The following PPP2R2B variants were observed in gnomAD, a reference collection of about 807,000 sequenced individuals.
PPP2R2B encodes serine/threonine-protein phosphatase 2A 55 kDa regulatory subunit B beta isoform.
Under a neutral mutation model 46.0 loss-of-function variants are expected in PPP2R2B, and 5 were observed. That is an observed-to-expected ratio of 0.11 (90% CI 0.06 to 0.23). The LOEUF is 0.23. PPP2R2B is among the 10% of genes least tolerant of loss of function. The pLI, the probability that PPP2R2B is intolerant of heterozygous loss-of-function variation, is 1.00. For missense variants in PPP2R2B, 367 were observed against 575.0 expected (o/e 0.64, Z 3.70); for synonymous variants, 215 against 206.7 (o/e 1.04, Z -0.34).
chr5:146,856,594 C>T (rs780460424), intron 2 of PPP2R2B: 5 of 1,593,170 alleles, frequency 3.1e-6, no homozygotes, highest in Non-Finnish European at 4.3e-6. Flanking sequence ...CTGTGACAAA[C>T]ATGGGGTTCA....
chr5:146,963,989 C>T (rs1752294882), intron 1 of PPP2R2B, among the ~76,000 whole-genome samples: 1 of 152,180 alleles, frequency 6.6e-6, no homozygotes, highest in African/African-American at 2.4e-5. Context: ...CTTCTCAAGG[C>T]TGAATTTCCT....
chr5:146,883,340 C>T (rs990147972), upstream of PPP2R2B, among the ~76,000 whole-genome samples: 4 of 152,152 alleles, frequency 2.6e-5, no homozygotes, highest in Non-Finnish European at 5.9e-5. Flanking sequence ...CTTCCTCCTG[C>T]GGTACTTCAT....
intron 7 of PPP2R2B, among the ~76,000 whole-genome samples, chr5:146,623,342 CTAAATTTCATAT>C (rs1773830524): frequency 6.6e-6 from 1 of 152,210 alleles, no homozygotes; most frequent in Admixed American, 6.5e-5. Context: ...TTATGGGAAT[CTAAATTTCATAT>C]TCAATTGAAA....
intron 2 of PPP2R2B, among the ~76,000 whole-genome samples, chr5:146,783,555 A>G (rs2151285893): frequency 6.6e-6 from 1 of 152,306 alleles, no homozygotes; most frequent in Middle Eastern, 3.4e-3. Flanking sequence ...AACTTTTATA[A>G]TCAGTTAAAC....
intron 1 of PPP2R2B, among the ~76,000 whole-genome samples, chr5:146,903,901 G>A (rs913217238): frequency 6.6e-6 from 1 of 152,082 alleles, no homozygotes; most frequent in African/African-American, 2.4e-5. Context: ...AGCCAGAGTT[G>A]GCACACAGTA....
chr5:146,882,990 C>T (rs922428359), upstream of PPP2R2B, among the ~76,000 whole-genome samples: 1 of 152,200 alleles, frequency 6.6e-6, no homozygotes, highest in Non-Finnish European at 1.5e-5. Flanking sequence ...ACCCACTCTT[C>T]CTTCCTTAGG....
intron 6 of PPP2R2B, among the ~76,000 whole-genome samples, chr5:146,648,326 T>A (rs1221736492): frequency 6.6e-6 from 1 of 152,194 alleles, no homozygotes; most frequent in Non-Finnish European, 1.5e-5. Flanking sequence ...CTGATGGGGA[T>A]CATCAATATT....
At chr5:147,077,848 C>A (rs1215854861) in intron 2 of PPP2R2B, among the ~76,000 whole-genome samples, 3 of 152,302 alleles carry the variant, frequency 2.0e-5, no homozygotes, top group East Asian at 1.9e-4. Context: ...AAGCAGGCTA[C>A]TTTTGTATTA....
At chr5:146,654,797 T>G (rs1486504553) in intron 5 of PPP2R2B, among the ~76,000 whole-genome samples, 1 of 152,202 alleles carries the variant, frequency 6.6e-6, no homozygotes, top group East Asian at 1.9e-4. Flanking sequence ...TTGCACAGCC[T>G]AGGTCTCTGC....
intron 1 of PPP2R2B, among the ~76,000 whole-genome samples, chr5:146,885,181 C>G (rs1236270946): frequency 6.6e-6 from 1 of 152,136 alleles, no homozygotes; most frequent in African/African-American, 2.4e-5. Context: ...TCATTTTATT[C>G]TAACAACAGC....
intron 1 of PPP2R2B, among the ~76,000 whole-genome samples, chr5:146,934,035 T>C (rs1360361738): frequency 6.6e-6 from 1 of 152,170 alleles, no homozygotes; most frequent in Admixed American, 6.5e-5. Flanking sequence ...GGCTGCATAG[T>C]ATTCCATGGT....
intron 7 of PPP2R2B, chr5:146,616,880 C>T (rs1773218795): frequency 6.6e-6 from 1 of 152,060 alleles, no homozygotes; most frequent in African/African-American, 2.4e-5. Flanking sequence ...GTATATACCC[C>T]AAACAAAGAA....
chr5:147,028,024 T>C (rs552349299), intron 1 of PPP2R2B, among the ~76,000 whole-genome samples: 2 of 152,210 alleles, frequency 1.3e-5, no homozygotes, highest in Non-Finnish European at 2.9e-5. Flanking sequence ...ACCCTTGAAG[T>C]TGACTTTATC....
chr5:146,641,503 ATTTTT>A (rs61445378), intron 6 of PPP2R2B, among the ~76,000 whole-genome samples: 9 of 128,574 alleles, frequency 7.0e-5, no homozygotes, highest in East Asian at 2.2e-4. Context: ...GTGCTCTAAG[ATTTTT>A]TTTTTTTTTT....
intron 1 of PPP2R2B, among the ~76,000 whole-genome samples, chr5:146,938,940 C>G (rs150658936): frequency 0.019 from 2,920 of 151,854 alleles, 59 homozygotes; most frequent in Non-Finnish European, 0.023. Flanking sequence ...GCTGCCACAC[C>G]TGGCTAATTT....
At chr5:146,766,714 C>T (rs149392130) in intron 2 of PPP2R2B, among the ~76,000 whole-genome samples, 1 of 152,092 alleles carries the variant, frequency 6.6e-6, no homozygotes, top group South Asian at 2.1e-4. Context: ...GCTTCTGGAA[C>T]AGTGAATGCT....
intron 1 of PPP2R2B, among the ~76,000 whole-genome samples, chr5:146,978,111 C>T (rs970334196): frequency 7.9e-5 from 12 of 152,156 alleles, no homozygotes; most frequent in Non-Finnish European, 1.6e-4. Context: ...TCGGTTTGCA[C>T]TTCTCTAATG....
At chr5:146,861,854 TTG>T (rs1289331315) in intron 2 of PPP2R2B, among the ~76,000 whole-genome samples, 140 of 44,122 alleles carry the variant, frequency 3.2e-3, no homozygotes, top group African/African-American at 0.024. Context: ...AAATACAGCA[TTG>T]TTTTTTTTTT....
chr5:146,709,453 T>C (rs1379296615), intron 2 of PPP2R2B, among the ~76,000 whole-genome samples: 1 of 152,216 alleles, frequency 6.6e-6, no homozygotes, highest in Non-Finnish European at 1.5e-5. Context: ...ACTTGCTTTT[T>C]AGCCTCCCTT....
Sources: allele counts gnomAD v4.1 joint callset (sites outside exome capture counted in the v4.1 genomes callset), GRCh38; gene constraint gnomAD v4.1.1; transcripts MANE v1.5; gene names NCBI Gene and HGNC (gene_info 2026-07-23, HGNC 2026-07-21).